GAS2L3: variants seen among roughly 807,000 people sequenced by gnomAD.
The protein encoded by GAS2L3 is GAS2-like protein 3.
A neutral mutation model predicts 37.0 loss-of-function variants in GAS2L3; 28 were observed. That is an observed-to-expected ratio of 0.76 (90% CI 0.56 to 1.04). GAS2L3 has a LOEUF of 1.04. GAS2L3 is among the 50% of genes least tolerant of loss of function. The probability of loss-of-function intolerance (pLI) is 0.00; values close to 1 mark genes in which losing one functional copy is unlikely to be tolerated. For synonymous variants in GAS2L3, 290 were observed against 296.6 expected (o/e 0.98, Z 0.23); for missense variants, 793 against 817.6 (o/e 0.97, Z 0.37).
chr12:100,594,993 G>A (rs1955892843), intron 3 of GAS2L3, 71 bp downstream of exon 3: 2 of 679,634 alleles, frequency 2.9e-6, no homozygotes, highest in Non-Finnish European at 4.7e-6. Flanking sequence ...AATTAGCAAA[G>A]ATAAAATTAT....
At position 100,626,334 on chromosome 12, in the gene GAS2L3, G is replaced by T. The variant is rs928473484; in HGVS notation, c.*1444G>T. ...AAGAAAACTTTCTATGAAGATAAAT[G>T]ACCTTTTGCCTGAAGAGTACAGATA... On this transcript the variant is annotated 3_prime_UTR_variant, in exon 10 of 10. Coordinates refer to ENST00000547754, the MANE Select transcript of GAS2L3 (RefSeq NM_174942.3). 2.6e-5 allele frequency: 4 copies of T among 152,168 alleles called. No homozygotes were observed. Among genetic ancestry groups the T allele is most frequent in the Non-Finnish European group, 5.9e-5 (4 of 68,024 alleles). The allele number at this position is 152,168 out of a possible 1,614,324, so 9.4% of individuals were successfully genotyped here. A position where few individuals can be genotyped will look rare whatever the true frequency, so the allele number is the denominator to read the frequency against.
intron 5 of GAS2L3, among the ~76,000 whole-genome samples, chr12:100,602,881 T>C (rs1424480056): frequency 6.6e-6 from 1 of 152,162 alleles, no homozygotes; most frequent in African/African-American, 2.4e-5. Flanking sequence ...CACAAATAAT[T>C]GAGAACATGT....
At chr12:100,604,358 G>A (rs1956029354) in intron 5 of GAS2L3, among the ~76,000 whole-genome samples, 1 of 151,562 alleles carries the variant, frequency 6.6e-6, no homozygotes, top group Non-Finnish European at 1.5e-5. Flanking sequence ...TGTGACTGCT[G>A]TAAATGGGAT....
chr12:100,623,711 A>G lies in GAS2L3; in HGVS notation c.906A>G (p.Glu302=). The change falls in exon 10 of 10, where the codon GAA becomes GAG. Residue 302 remains glutamate (E), a synonymous_variant. Transcript: ENST00000547754. ...ILAFQKGVSN[E]SVPDSPARTP... ...CATTTCAAAAAGGAGTTTCTAATGA[A>G]AGTGTACCTGATTCGCCTGCCAGAA... 1 of 1,614,056 alleles carries G rather than the reference A, an allele frequency of 6.2e-7. No individual in the cohort carries two copies. The highest frequency in any genetic ancestry group is 8.5e-7 in the Non-Finnish European group (1 of 1,179,948).
chr12:100,627,690 C>A lies in GAS2L3; in HGVS notation c.*2800C>A, dbSNP rs545523301. 1.3e-4 allele frequency: 20 copies of A among 152,274 alleles called. No homozygotes were observed. The highest frequency in any genetic ancestry group is 4.8e-4 in the African/African-American group (20 of 41,566). The allele number at this position is 152,274 out of a possible 1,614,324, so 9.4% of individuals were successfully genotyped here. On this transcript the variant is annotated 3_prime_UTR_variant, in exon 10 of 10. Coordinates refer to ENST00000547754, the MANE Select transcript of GAS2L3 (RefSeq NM_174942.3). Reference sequence around the variant, plus strand: ...ATTCATTTTCACAATTTAAAAACAGCTCTTAACATTGCTGAAGTTGGGAGA... The same window carrying A: ...ATTCATTTTCACAATTTAAAAACAGATCTTAACATTGCTGAAGTTGGGAGA...
intron 5 of GAS2L3, among the ~76,000 whole-genome samples, chr12:100,607,038 A>G (rs750541846): frequency 3.5e-4 from 54 of 152,150 alleles, no homozygotes; most frequent in Admixed American, 5.2e-4. Context: ...GGGAAACCAG[A>G]ATATTCTTAT....
chr12:100,623,840 A>G lies in GAS2L3; in HGVS notation c.1035A>G (p.Lys345=). Residue 345 remains lysine (K), a synonymous_variant, in exon 10 of 10, where the codon AAA becomes AAG. Coordinates refer to ENST00000547754, the MANE Select transcript of GAS2L3 (RefSeq NM_174942.3). ...VPVSIPKSKE[K]QGRPPGALVP... ...TTAGTATTCCAAAAAGCAAAGAAAA[A>G]CAGGGACGTCCACCAGGTGCATTGG... The G allele has an allele frequency of 6.2e-7, 1 of 1,614,080 alleles. No individual in the cohort carries two copies. The highest frequency in any genetic ancestry group is 8.5e-7 in the Non-Finnish European group (1 of 1,180,000).
At chr12:100,620,149 T>C (rs1388599793) in intron 8 of GAS2L3, among the ~76,000 whole-genome samples, 1 of 152,040 alleles carries the variant, frequency 6.6e-6, no homozygotes, top group Non-Finnish European at 1.5e-5. Flanking sequence ...TGAAAGTGTT[T>C]ATTACATTAG....
chr12:100,615,299 C>T (rs1956172678), intron 6 of GAS2L3, among the ~76,000 whole-genome samples: 3 of 152,048 alleles, frequency 2.0e-5, no homozygotes, highest in Admixed American at 1.3e-4. Flanking sequence ...TGTATAACTT[C>T]TTTGGAGACT....
intron 8 of GAS2L3, 50 bp from the exon 9 acceptor site, chr12:100,622,225 C>A: frequency 9.6e-7 from 1 of 1,044,290 alleles, no homozygotes; most frequent in Non-Finnish European, 1.5e-6. Flanking sequence ...ACACTTTAAA[C>A]AAAATGCTTT....
chr12:100,623,544 G>T lies in GAS2L3; in HGVS notation c.757-18G>T, dbSNP rs1565814967. The T allele has an allele frequency of 8.3e-6, 13 of 1,567,068 alleles. No homozygotes were observed. In the Admixed American group the frequency reaches 1.2e-4, roughly 14 times the overall value. Reference sequence around the variant, plus strand: ...TCACAGTATTACAGCTTTACTTTTTGTTTTCCTTTGGGGGCAGATGCTTCA... The same window carrying T: ...TCACAGTATTACAGCTTTACTTTTTTTTTTCCTTTGGGGGCAGATGCTTCA... On this transcript the variant is annotated intron_variant, in intron 9 of 9. Transcript: ENST00000547754.
At chr12:100,603,580 C>A (rs1456808656) in intron 5 of GAS2L3, among the ~76,000 whole-genome samples, 1 of 152,066 alleles carries the variant, frequency 6.6e-6, no homozygotes, top group Non-Finnish European at 1.5e-5. Context: ...TTCTCCCATT[C>A]TTTGGGTTGC....
At chr12:100,594,144 G>A (rs546790268) in intron 2 of GAS2L3, among the ~76,000 whole-genome samples, 5 of 151,962 alleles carry the variant, frequency 3.3e-5, no homozygotes, top group South Asian at 2.1e-4. Flanking sequence ...ATGCTGCTAT[G>A]AGCAATAAAA....
chr12:100,607,894 C>T (rs1020379573), intron 5 of GAS2L3, among the ~76,000 whole-genome samples: 3 of 152,040 alleles, frequency 2.0e-5, no homozygotes, highest in African/African-American at 7.3e-5. Context: ...GGTCACATAT[C>T]TCTGTTTCTT....
chr12:100,596,977 A>G (rs1358377274), intron 3 of GAS2L3, among the ~76,000 whole-genome samples: 1 of 152,026 alleles, frequency 6.6e-6, no homozygotes, highest in Non-Finnish European at 1.5e-5. Flanking sequence ...AGTTTTTGTT[A>G]ATATCTGACT....
rs149166664 is a variant in GAS2L3 at position 100,613,833 on chromosome 12, A to G, written c.445+1692A>G. Among the ~76,000 whole-genome samples, 209 of 152,112 alleles carry G rather than the reference A, an allele frequency of 1.4e-3. 1 individual carries two copies. The highest frequency in any genetic ancestry group is 4.8e-3 in the African/African-American group (199 of 41,510). On this transcript the variant is annotated intron_variant, in intron 6 of 9. Transcript: ENST00000547754. The stretch of plus-strand genomic sequence containing the variant: ...GTGGTCTCAATCTCCTGACCTCATG[A>G]TCTGCCAGCCTAAGCCTCCCAAAGT...
rs370961332 is a variant in GAS2L3, at chr12:100,607,327, CT to C, written c.304-4669del. Among the ~76,000 whole-genome samples, 149 of 152,180 alleles carry C rather than the reference CT, an allele frequency of 9.8e-4. 1 individual carries two copies. Among genetic ancestry groups the C allele is most frequent in the African/African-American group, 3.5e-3 (145 of 41,544 alleles). The stretch of plus-strand genomic sequence containing the variant: ...GAGCTCCATTGTATATTATTTGTTT[CT>C]TTTCTCTTGCTGCTTTTAGGATCCT... On this transcript the variant is annotated intron_variant, in intron 5 of 9. Transcript: ENST00000547754.
chr12:100,597,758 T>A (rs1321198671), intron 3 of GAS2L3, among the ~76,000 whole-genome samples: 1 of 152,000 alleles, frequency 6.6e-6, no homozygotes, highest in African/African-American at 2.4e-5. Flanking sequence ...AGATTGGAAG[T>A]AGTTTCCCCC....
chr12:100,618,523 C>T lies in GAS2L3; in HGVS notation c.584C>T (p.Ser195Phe). 1 of 1,613,028 alleles carries T rather than the reference C, an allele frequency of 6.2e-7. No homozygotes were observed. Among genetic ancestry groups the T allele is most frequent in the Admixed American group, 1.7e-5 (1 of 59,904 alleles). ...TTAGAAGAGACTTTGCTTAATACTT[C>T]TGGGCCTGAAGATTCCATCAGCATT... is the stretch of plus-strand genomic sequence containing the variant. ...IELEETLLNTSGPEDSISIPK... is the reference protein window; with the variant it reads ...IELEETLLNTFGPEDSISIPK... The change falls in exon 8 of 10, where the codon TCT (serine) becomes TTT (phenylalanine). Residue 195 changes from serine (S) to phenylalanine (F), a missense_variant. Coordinates refer to ENST00000547754, the MANE Select transcript of GAS2L3 (RefSeq NM_174942.3).
Sources: allele counts gnomAD v4.1 joint callset (sites outside exome capture counted in the v4.1 genomes callset), GRCh38; gene constraint gnomAD v4.1.1; transcripts MANE v1.5; gene names NCBI Gene and HGNC (gene_info 2026-07-23, HGNC 2026-07-21).